BSG: variants seen among roughly 807,000 people sequenced by gnomAD.
BSG encodes basigin.
In BSG, 37 loss-of-function variants were observed where a neutral mutation model predicts 43.1. That is an observed-to-expected ratio of 0.86 (90% confidence interval 0.66 to 1.13). BSG has a LOEUF of 1.13. BSG is among the 50% of genes most tolerant of loss of function. The pLI is 0.00. For missense variants in BSG, 599 were observed against 554.2 expected, an observed-to-expected ratio of 1.08 and a Z score of -0.81; for synonymous variants, 309 against 238.7, an observed-to-expected ratio of 1.29 and a Z score of -2.72.
At position 577,852 on chromosome 19, in the gene BSG, G is replaced by C; in HGVS notation, c.146G>C (p.Ser49Thr). 1 of 1,539,786 alleles carries C rather than the reference G, an allele frequency of 6.5e-7. No individual in the cohort carries two copies. Among genetic ancestry groups the C allele is most frequent in the Non-Finnish European group, 8.8e-7 (1 of 1,136,588 alleles). The change falls in exon 2 of 9, where the codon AGC becomes ACC. Residue 49 changes from serine to threonine, a missense_variant. By Grantham distance (58) the Ser-to-Thr change is moderately conservative. Coordinates refer to ENST00000333511, the MANE Select transcript of BSG (RefSeq NM_001728.4). ...SVELHCEAVG[S>T]PVPEIQWWFE... ...GAGCTGCACTGCGAGGCCGTGGGCA[G>C]CCCGGTGCCCGAGATCCAGTGGTGG...
At chr19:571,592 C>G (rs1981242872), upstream of BSG, 3 of 779,630 alleles carry the variant, frequency 3.8e-6, no homozygotes, top group Non-Finnish European at 4.8e-6. Context: ...AACCGCCAGC[C>G]TCTCCTGAAA....
chr19:571,820 A>T (rs1430772020), upstream of BSG: 2 of 551,856 alleles, frequency 3.6e-6, no homozygotes, highest in Non-Finnish European at 6.5e-6. Flanking sequence ...ATCTAAGCTG[A>T]TCCCGGTTGG....
intron 3 of BSG, among the ~76,000 whole-genome samples, chr19:580,154 A>G (rs2041192): frequency 0.58 from 88,184 of 151,240 alleles, 28,057 homozygotes; most frequent in African/African-American, 0.84. Flanking sequence ...GGGGTTCATC[A>G]GTCGGGGAGA....
intron 2 of BSG, 101 bp from the exon 3 acceptor site, chr19:579,399 C>T: frequency 6.6e-7 from 1 of 1,514,816 alleles, no homozygotes; most frequent in Non-Finnish European, 9.0e-7. Flanking sequence ...GGGATGAAAA[C>T]CAGTCCTTCC....
At chr19:581,656 C>T (rs1194738571) in intron 6 of BSG, 65 bp downstream of exon 6, 39 of 1,485,998 alleles carry the variant, frequency 2.6e-5, no homozygotes, top group Admixed American at 4.3e-5. Context: ...ACTCCTGGTC[C>T]GTCCCTGCCA....
intron 1 of BSG, among the ~76,000 whole-genome samples, chr19:573,075 C>A (rs375264688): frequency 8.5e-6 from 1 of 117,014 alleles, no homozygotes; most frequent in Admixed American, 7.9e-5. Context: ...GGGTGACCTG[C>A]TTCCTGGGTG....
At chr19:572,723 G>A in intron 1 of BSG, 22 bp downstream of exon 1, 1 of 1,463,114 alleles carries the variant, frequency 6.8e-7, no homozygotes, top group Non-Finnish European at 9.1e-7. Context: ...GTAGGGGGCG[G>A]GGGTGCGGTC....
rs1982125905 is a variant in BSG, at chr19:579,791, C to T, written c.572+135C>T. 3.0e-6 allele frequency: 4 copies of T among 1,345,660 alleles called. No homozygotes were observed. In the East Asian group the frequency reaches 1.0e-4, roughly 34 times the overall value. 83.4% of individuals were successfully genotyped at this position (1,345,660 alleles called of 1,614,324 possible). ...GCGGAAGTTAGGGACCAGCTCCGCGCAGACCCCCAGAGGGAAACCCCAGGG... is the reference window on the plus strand; with the variant it reads ...GCGGAAGTTAGGGACCAGCTCCGCGTAGACCCCCAGAGGGAAACCCCAGGG... On this transcript the variant is annotated intron_variant, in intron 3 of 8. Coordinates refer to ENST00000333511, the MANE Select transcript of BSG (RefSeq NM_001728.4).
intron 2 of BSG, chr19:578,826 G>T (rs2145896264): frequency 8.5e-6 from 3 of 353,766 alleles, no homozygotes; most frequent in South Asian, 6.3e-5. Flanking sequence ...CGCCTCCCGG[G>T]TTCAAGCGAT....
chr19:571,490 T>A (rs56351342), upstream of BSG: 1 of 777,742 alleles, frequency 1.3e-6, no homozygotes. Flanking sequence ...TTGCTGAGAG[T>A]CTGGGTTTAC....
chr19:572,321 C>A (rs886670296), upstream of BSG: 15 of 966,164 alleles, frequency 1.6e-5, no homozygotes, highest in Non-Finnish European at 1.9e-5. Context: ...CTCATTGCAA[C>A]TTTGAAAGCA....
Position 581,597 on chromosome 19 carries a change from C to A in BSG, c.1069+6C>A. On this transcript the variant is annotated splice_donor_region_variant and intron_variant, in intron 6 of 8. Coordinates refer to ENST00000333511, the MANE Select transcript of BSG (RefSeq NM_001728.4). ...GCCCGAGGACGTCCTGGATGGTGAG[C>A]CGTCTGCCCTCCTGCCCACATGCCC... The A allele has an allele frequency of 6.3e-7, 1 of 1,581,202 alleles. No individual in the cohort carries two copies.
rs1398996780 is a variant in BSG at position 581,045 on chromosome 19, CCAGCCCTCTGGACTG to C, written c.793-261_793-247del. Among the ~76,000 whole-genome samples, 266 of 74,580 alleles carry C rather than the reference CCAGCCCTCTGGACTG, an allele frequency of 3.6e-3. 101 individuals carry two copies. Among genetic ancestry groups the C allele is most frequent in the East Asian group, 0.013 (16 of 1,228 alleles). 48.9% of individuals were successfully genotyped at this position (74,580 alleles called of 152,430 possible). On this transcript the variant is annotated intron_variant, in intron 5 of 8. Transcript: ENST00000333511. ...GGGGCCTAGACTGGGGGTCCCGGAC[CCAGCCCTCTGGACTG>C]CAGCCCTCCAGACTGGGTGAGGGGC...
chr19:571,778 C>T (rs1600468805), upstream of BSG: 3 of 605,554 alleles, frequency 5.0e-6, no homozygotes, highest in East Asian at 5.6e-5. Context: ...TTCCTCTGTC[C>T]TTTCCCTGTT....
chr19:581,123 G>A (rs1982273778), intron 5 of BSG, among the ~76,000 whole-genome samples, 192 bp from the exon 6 acceptor site: 1 of 92,208 alleles, frequency 1.1e-5, no homozygotes, highest in Admixed American at 9.9e-5. Context: ...TCAGGACTGG[G>A]TGAGGGGCCT....
chr19:571,567 C>T, upstream of BSG: 1 of 779,620 alleles, frequency 1.3e-6, no homozygotes, highest in Non-Finnish European at 2.4e-6. Context: ...TCGGACGCGT[C>T]TCCCCAAGAA....
chr19:579,378 G>A (rs756456452), intron 2 of BSG, 122 bp from the exon 3 acceptor site: 17 of 1,353,554 alleles, frequency 1.3e-5, no homozygotes, highest in Admixed American at 8.9e-5. Flanking sequence ...TAAGGGCCAC[G>A]GTGTATTTTT....
At chr19:571,400 A>G, upstream of BSG, 1 of 645,330 alleles carries the variant, frequency 1.5e-6, no homozygotes, top group East Asian at 2.7e-5. Context: ...CCTCCAAGAG[A>G]CGCCCCCACC....
At chr19:580,060 C>T in intron 3 of BSG, 1 of 428,272 alleles carries the variant, frequency 2.3e-6, no homozygotes, top group Non-Finnish European at 4.2e-6. Context: ...CTGGGACGGC[C>T]CTGGGAGCAC....
Sources: allele counts gnomAD v4.1 joint callset (sites outside exome capture counted in the v4.1 genomes callset), GRCh38; gene constraint gnomAD v4.1.1; transcripts MANE v1.5; gene names NCBI Gene and HGNC (gene_info 2026-07-23, HGNC 2026-07-21).